RFC3: variants seen among roughly 807,000 people sequenced by gnomAD.
RFC3 encodes the protein replication factor C subunit 3.
A neutral mutation model predicts 45.1 loss-of-function variants in RFC3; 41 were observed. The observed-to-expected ratio is 0.91, with a 90% CI of 0.71 to 1.18. RFC3 has a LOEUF of 1.18. Ranked by LOEUF, RFC3 falls within the 50% of genes most tolerant of loss-of-function variation. RFC3 has a pLI of 0.00. For synonymous variants in RFC3, 149 were observed against 144.0 expected (o/e 1.03, Z -0.25); for missense variants, 423 against 428.1 (o/e 0.99, Z 0.10).
intron 8 of RFC3, among the ~76,000 whole-genome samples, chr13:33,932,505 GT>G (rs2082859004): frequency 6.6e-6 from 1 of 151,966 alleles, no homozygotes; most frequent in Admixed American, 6.6e-5. Flanking sequence ...TAACATGCAA[GT>G]ACTAAAATGT....
intron 8 of RFC3, among the ~76,000 whole-genome samples, chr13:33,896,054 C>T (rs1308670702): frequency 6.6e-6 from 1 of 151,822 alleles, no homozygotes; most frequent in Non-Finnish European, 1.5e-5. Context: ...ATATTGGGTA[C>T]AAGGTACACT....
intron 8 of RFC3, among the ~76,000 whole-genome samples, chr13:33,915,728 AAAC>A (rs1436404147): frequency 6.6e-6 from 1 of 152,104 alleles, no homozygotes; most frequent in Admixed American, 6.6e-5. Context: ...TTAAAAAAGA[AAAC>A]AATGACTAAA....
At chr13:33,954,147 T>A (rs1488878030) in intron 8 of RFC3, among the ~76,000 whole-genome samples, 1 of 152,088 alleles carries the variant, frequency 6.6e-6, no homozygotes, top group Admixed American at 6.5e-5. Context: ...AGAGTTAAGG[T>A]AAAAAAGAAT....
In RFC3 at chr13:33,836,770, C is replaced by T. The variant is rs1010163525; in HGVS notation, c.*475C>T. 1 of 985,582 alleles carries T rather than the reference C, an allele frequency of 1.0e-6. No individual in the cohort carries two copies. Among genetic ancestry groups the T allele is most frequent in the East Asian group, 1.1e-4 (1 of 8,844 alleles). 61.1% of individuals were successfully genotyped at this position (985,582 alleles called of 1,614,324 possible). On this transcript the variant is annotated 3_prime_UTR_variant, in exon 9 of 9. Coordinates refer to ENST00000380071, the MANE Select transcript of RFC3 (RefSeq NM_002915.4). ...GGAAATGTAAGATTTCATTCTGAAA[C>T]ATAATTATTGGTATGGACAAAATTG...
At chr13:33,919,338 T>G (rs759464782) in intron 8 of RFC3, among the ~76,000 whole-genome samples, 7 of 152,112 alleles carry the variant, frequency 4.6e-5, no homozygotes, top group Non-Finnish European at 1.0e-4. Context: ...ATGGAAACCC[T>G]GAAAGTAGTT....
intron 8 of RFC3, among the ~76,000 whole-genome samples, chr13:33,865,446 G>T (rs1343670392): frequency 1.3e-5 from 2 of 149,342 alleles, no homozygotes; most frequent in East Asian, 4.0e-4. Flanking sequence ...AATTACAAAG[G>T]CAAACCTAGG....
chr13:33,931,945 T>C (rs1255172643), intron 8 of RFC3, among the ~76,000 whole-genome samples: 1 of 152,170 alleles, frequency 6.6e-6, no homozygotes, highest in Non-Finnish European at 1.5e-5. Flanking sequence ...AATATACATT[T>C]GTTTTTCATT....
rs58171088 is a variant in RFC3, at chr13:33,939,880, CTT to C, written c.880-26206_880-26205del. Among the ~76,000 whole-genome samples the C allele has an allele frequency of 4.4e-3, 663 of 152,182 alleles. 8 individuals are homozygous for C. Among genetic ancestry groups the C allele is most frequent in the African/African-American group, 0.015 (629 of 41,534 alleles). On this transcript the variant is annotated intron_variant, in intron 8 of 8. Coordinates refer to the RFC3 transcript ENST00000434425. The stretch of plus-strand genomic sequence containing the variant: ...GAGAACCAAATTGTCATAATTTTCT[CTT>C]GTCTTTTTAATATTTGTAAGATCTG...
chr13:33,868,446 G>C (rs76767464), intron 8 of RFC3, among the ~76,000 whole-genome samples: 2 of 152,042 alleles, frequency 1.3e-5, no homozygotes, highest in African/African-American at 4.8e-5. Flanking sequence ...ACTTTGCACC[G>C]CCTCACAGAT....
intron 8 of RFC3, among the ~76,000 whole-genome samples, chr13:33,963,180 TTA>T (rs1555246005): frequency 6.9e-4 from 10 of 14,408 alleles, no homozygotes; most frequent in East Asian, 0.14. Flanking sequence ...AATTAAAATA[TTA>T]TAAGTAAATT....
At position 33,966,457 on chromosome 13, in the gene RFC3, T is replaced by A. The variant is rs553254491; in HGVS notation, c.*332T>A. The A allele has an allele frequency of 1.1e-4, 35 of 331,228 alleles. 1 individual carries two copies. In the South Asian group the frequency reaches 1.8e-3, roughly 17 times the overall value. 20.5% of individuals were successfully genotyped at this position (331,228 alleles called of 1,614,324 possible). A position where few individuals can be genotyped will look rare whatever the true frequency, so the allele number is the denominator to read the frequency against. Reference sequence around the variant, plus strand: ...GGAAGTTTATTTCCATCTGTATCCCTACATCTAACTCATCTGCTGGTACCT... The same window carrying A: ...GGAAGTTTATTTCCATCTGTATCCCAACATCTAACTCATCTGCTGGTACCT... On this transcript the variant is annotated 3_prime_UTR_variant, in exon 9 of 9. Transcript: ENST00000434425.
At chr13:33,956,951 T>C (rs1365021984) in intron 8 of RFC3, among the ~76,000 whole-genome samples, 1 of 152,224 alleles carries the variant, frequency 6.6e-6, no homozygotes, top group Non-Finnish European at 1.5e-5. Context: ...ATATATCTAT[T>C]TATCTTCTCC....
intron 8 of RFC3, among the ~76,000 whole-genome samples, chr13:33,934,247 G>A (rs1418784129): frequency 1.3e-5 from 2 of 151,930 alleles, no homozygotes; most frequent in Non-Finnish European, 2.9e-5. Flanking sequence ...GTGGGAGGAT[G>A]GCTTGATTCT....
At chr13:33,821,711 G>A (rs928315975) in intron 2 of RFC3, among the ~76,000 whole-genome samples, 4 of 152,210 alleles carry the variant, frequency 2.6e-5, no homozygotes, top group Non-Finnish European at 5.9e-5. Context: ...ACTCTGGGAA[G>A]TTGAGAGGCT....
At chr13:33,886,825 C>T (rs2082528156) in intron 8 of RFC3, among the ~76,000 whole-genome samples, 1 of 143,516 alleles carries the variant, frequency 7.0e-6, no homozygotes, top group African/African-American at 2.6e-5. Context: ...TGATGTTCCC[C>T]TTCCTGTGTC....
At chr13:33,826,847 C>T (rs570737868) in intron 4 of RFC3, among the ~76,000 whole-genome samples, 2 of 152,134 alleles carry the variant, frequency 1.3e-5, no homozygotes, top group African/African-American at 4.8e-5. Flanking sequence ...TGTTGGCCAA[C>T]CCTCCAATAG....
intron 8 of RFC3, among the ~76,000 whole-genome samples, chr13:33,889,490 A>G (rs1206670007): frequency 6.6e-6 from 1 of 152,252 alleles, no homozygotes; most frequent in Non-Finnish European, 1.5e-5. Flanking sequence ...GCATGTATGC[A>G]TTGTATAATG....
At chr13:33,872,144 G>C (rs570995940) in intron 8 of RFC3, among the ~76,000 whole-genome samples, 1 of 152,124 alleles carries the variant, frequency 6.6e-6, no homozygotes, top group Non-Finnish European at 1.5e-5. Context: ...CTGTGACAAA[G>C]GGCAGAGTGT....
At chr13:33,915,397 C>T (rs1277834448) in intron 8 of RFC3, among the ~76,000 whole-genome samples, 2 of 152,130 alleles carry the variant, frequency 1.3e-5, no homozygotes, top group African/African-American at 2.4e-5. Context: ...AAACTCCAAC[C>T]TTGTTCAGTG....
Sources: gnomAD v4.1 joint callset for allele counts (sites outside exome capture counted in the v4.1 genomes callset) on GRCh38, gnomAD v4.1.1 for gene constraint, MANE v1.5 for transcripts, NCBI Gene and HGNC (gene_info 2026-07-23, HGNC 2026-07-21) for gene names.